Variants in THSD4 observed in about 807,000 individuals in gnomAD.
THSD4 encodes thrombospondin type 1 domain containing 4, also known as thrombospondin type-1 domain-containing protein 4.
In THSD4, 69 loss-of-function variants were observed where a neutral mutation model predicts 119.0. The ratio of observed to expected loss-of-function variants is 0.58; its 90% CI spans 0.48 to 0.71. The LOEUF is 0.71. THSD4 is among the 30% of genes least tolerant of loss of function. THSD4 has a pLI of 0.00. For missense variants in THSD4, 1,393 were observed against 1,391.1 expected (o/e 1.00, Z -0.02); for synonymous variants, 524 against 540.4 (o/e 0.97, Z 0.42).
In THSD4 at chr15:71,243,047, C is replaced by T; in HGVS notation, c.863C>T (p.Ala288Val). Residue 288 changes from alanine to valine, a missense_variant, in exon 5 of 18, where the codon GCA becomes GTA. Transcript: ENST00000261862. The stretch of plus-strand genomic sequence containing the variant: ...TTCTCTCAGCCTGCCCGATCTACAG[C>T]AATCTCATGCATCGGGGCCTATCGG... The part of the protein sequence containing the change: ...QSFSQPARST[A>V]ISCIGAYRQY... 1 of 1,614,206 alleles carries T rather than the reference C, an allele frequency of 6.2e-7. No homozygotes were observed. The highest frequency in any genetic ancestry group is 2.2e-5 in the East Asian group (1 of 44,870).
intron 6 of THSD4, among the ~76,000 whole-genome samples, chr15:71,322,848 A>C (rs1007219596): frequency 5.9e-5 from 9 of 152,166 alleles, no homozygotes; most frequent in African/African-American, 1.9e-4. Context: ...CTGTAATCCC[A>C]GCACCTAAAA....
intron 7 of THSD4, among the ~76,000 whole-genome samples, chr15:71,606,596 A>G (rs1225233547): frequency 6.6e-6 from 1 of 152,138 alleles, no homozygotes; most frequent in Non-Finnish European, 1.5e-5. Context: ...GCCAGAGTGC[A>G]ATGGCATGAT....
chr15:71,192,472 A>G (rs1230989868), intron 3 of THSD4, among the ~76,000 whole-genome samples: 1 of 151,034 alleles, frequency 6.6e-6, no homozygotes, highest in Non-Finnish European at 1.5e-5. Context: ...TAGTAGAGGC[A>G]GGGTTTCACC....
chr15:71,295,751 T>C lies in THSD4; in HGVS notation c.1015+39036T>C, dbSNP rs182744361. 2.8e-4 allele frequency among the ~76,000 whole-genome samples: 42 copies of C among 152,182 alleles called. 1 individual carries two copies. Among genetic ancestry groups the C allele is most frequent in the African/African-American group, 1.0e-3 (42 of 41,530 alleles). ...AATGAGTTTTAGTAAGTTTACCAAG[T>C]TGTGCAACTATCAGCATAAATCAGT... On this transcript the variant is annotated intron_variant, in intron 6 of 17. Coordinates refer to ENST00000261862, the MANE Select transcript of THSD4 (RefSeq NM_024817.3).
chr15:71,474,525 A>G (rs1248934962), intron 7 of THSD4, among the ~76,000 whole-genome samples: 1 of 151,916 alleles, frequency 6.6e-6, no homozygotes, highest in East Asian at 1.9e-4. Flanking sequence ...CTGGCCTTCT[A>G]CTTTATTTTT....
At chr15:71,726,300 C>G (rs926331045) in intron 8 of THSD4, among the ~76,000 whole-genome samples, 6 of 152,190 alleles carry the variant, frequency 3.9e-5, no homozygotes, top group Non-Finnish European at 8.8e-5. Context: ...GCCACTCCAG[C>G]CCCTCTGTGC....
intron 8 of THSD4, among the ~76,000 whole-genome samples, chr15:71,691,595 C>T (rs2052050613): frequency 6.6e-6 from 1 of 152,222 alleles, no homozygotes; most frequent in Non-Finnish European, 1.5e-5. Context: ...AAGCAGGAAT[C>T]ATTACAGGAT....
At chr15:71,432,633 A>G (rs2046957788) in intron 7 of THSD4, among the ~76,000 whole-genome samples, 1 of 151,638 alleles carries the variant, frequency 6.6e-6, no homozygotes, top group Non-Finnish European at 1.5e-5. Context: ...TTGCATCAGT[A>G]TCAATGCTAA....
chr15:71,200,626 G>A (rs989312071), intron 3 of THSD4, among the ~76,000 whole-genome samples: 3 of 152,176 alleles, frequency 2.0e-5, no homozygotes, highest in Non-Finnish European at 1.5e-5. Flanking sequence ...TTAAGTGTTT[G>A]AAGGTTTTAT....
intron 7 of THSD4, among the ~76,000 whole-genome samples, chr15:71,482,494 G>A (rs557019378): frequency 1.3e-5 from 2 of 152,140 alleles, no homozygotes; most frequent in South Asian, 2.1e-4. Flanking sequence ...GTTTCACTGT[G>A]TTAGCCAGGA....
rs559506729 is a variant in THSD4, at chr15:71,290,326, C to A, written c.1015+33611C>A. Reference sequence around the variant, plus strand: ...CTTTAAATATATTTTCCCCTGGAACCAGCTAGGGTGGGTTCTATTTGCAAC... The same window carrying A: ...CTTTAAATATATTTTCCCCTGGAACAAGCTAGGGTGGGTTCTATTTGCAAC... On this transcript the variant is annotated intron_variant, in intron 6 of 17. Coordinates refer to ENST00000261862, the MANE Select transcript of THSD4 (RefSeq NM_024817.3). Among the ~76,000 whole-genome samples the A allele has an allele frequency of 5.9e-5, 9 of 152,262 alleles. No homozygotes were observed. The South Asian group carries it at 1.7e-3, about 28-fold the overall frequency.
At chr15:71,612,921 G>A (rs1267666082) in intron 7 of THSD4, among the ~76,000 whole-genome samples, 1 of 152,164 alleles carries the variant, frequency 6.6e-6, no homozygotes, top group Non-Finnish European at 1.5e-5. Context: ...TTAGTTTTTT[G>A]GCAGTAATTC....
intron 7 of THSD4, among the ~76,000 whole-genome samples, chr15:71,614,834 G>A (rs1473780024): frequency 1.3e-5 from 2 of 152,128 alleles, no homozygotes; most frequent in Non-Finnish European, 1.5e-5. Flanking sequence ...GAAGGAGAGA[G>A]GCAGTCAGCT....
intron 4 of THSD4, among the ~76,000 whole-genome samples, chr15:71,238,527 A>G (rs1301548028): frequency 1.3e-5 from 2 of 152,122 alleles, no homozygotes; most frequent in African/African-American, 2.4e-5. Context: ...GGATTTGCCT[A>G]TTCTAGACAT....
intron 7 of THSD4, among the ~76,000 whole-genome samples, chr15:71,559,092 T>G (rs1037756443): frequency 6.6e-6 from 1 of 152,196 alleles, no homozygotes; most frequent in African/African-American, 2.4e-5. Context: ...GGTTGTAGAT[T>G]AGGTTGTTCA....
At chr15:71,409,674 G>C (rs1345042440) in intron 6 of THSD4, among the ~76,000 whole-genome samples, 1 of 152,150 alleles carries the variant, frequency 6.6e-6, no homozygotes, top group Non-Finnish European at 1.5e-5. Flanking sequence ...TGGTCCCAGA[G>C]GCTCCATGTG....
chr15:71,503,713 A>G (rs941558337), intron 7 of THSD4, among the ~76,000 whole-genome samples: 1 of 151,884 alleles, frequency 6.6e-6, no homozygotes, highest in Non-Finnish European at 1.5e-5. Flanking sequence ...CCTGGGCTAT[A>G]CCTCTCTACA....
intron 7 of THSD4, among the ~76,000 whole-genome samples, chr15:71,557,807 A>AG (rs1173545842): frequency 6.6e-6 from 1 of 152,172 alleles, no homozygotes; most frequent in Non-Finnish European, 1.5e-5. Context: ...GCAGATCTCC[A>AG]GGTGCTGCAG....
intron 7 of THSD4, among the ~76,000 whole-genome samples, chr15:71,574,189 CT>C (rs1251950093): frequency 6.6e-6 from 1 of 152,094 alleles, no homozygotes; most frequent in African/African-American, 2.4e-5. Flanking sequence ...AAGTATATGC[CT>C]TAGAGAGTAA....
Sources: allele counts gnomAD v4.1 joint callset (sites outside exome capture counted in the v4.1 genomes callset), GRCh38; gene constraint gnomAD v4.1.1; transcripts MANE v1.5; gene names NCBI Gene and HGNC (gene_info 2026-07-23, HGNC 2026-07-21).